NTAN1: variants seen among roughly 807,000 people sequenced by gnomAD.
NTAN1 encodes the protein protein N-terminal asparagine amidohydrolase.
NTAN1 carries 32 observed loss-of-function variants against 41.9 expected under a neutral mutation model. The observed-to-expected ratio is 0.76, with a 90% CI of 0.58 to 1.03. The LOEUF (loss-of-function observed/expected upper bound fraction) is 1.03, where lower values mean the gene tolerates loss of function less well. Among genes scored for constraint, NTAN1 ranks in the 50% least tolerant of loss-of-function variants. The pLI, the probability that NTAN1 is intolerant of heterozygous loss-of-function variation, is 0.00. For synonymous variants in NTAN1, 140 were observed against 139.5 expected, an observed-to-expected ratio of 1.00 and a Z score of -0.03; for missense variants, 377 against 377.5, an observed-to-expected ratio of 1.00 and a Z score of 0.01.
chr16:15,054,828 C>T (rs562537490), intron 1 of NTAN1, among the ~76,000 whole-genome samples: 1 of 152,224 alleles, frequency 6.6e-6, no homozygotes, highest in African/African-American at 2.4e-5. Context: ...GGCGACAGAC[C>T]AATAGAGAAC....
intron 1 of NTAN1, among the ~76,000 whole-genome samples, chr16:15,048,933 A>G (rs1383101407): frequency 6.9e-6 from 1 of 144,130 alleles, no homozygotes; most frequent in African/African-American, 2.6e-5. Flanking sequence ...TGATTTTTAT[A>G]CTTTTTGTAG....
intron 1 of NTAN1, among the ~76,000 whole-genome samples, chr16:15,050,368 G>C (rs551858515): frequency 1.3e-5 from 2 of 152,328 alleles, no homozygotes; most frequent in African/African-American, 4.8e-5. Flanking sequence ...CAGTTTTGCA[G>C]TCTTAGTCTT....
At chr16:15,052,585 A>G (rs2044338872) in intron 1 of NTAN1, among the ~76,000 whole-genome samples, 1 of 152,244 alleles carries the variant, frequency 6.6e-6, no homozygotes, top group African/African-American at 2.4e-5. Flanking sequence ...CTGTAATCCC[A>G]GCACTTTGGA....
chr16:15,046,662 C>A (rs1486880512), intron 4 of NTAN1, among the ~76,000 whole-genome samples: 2 of 140,762 alleles, frequency 1.4e-5, no homozygotes, highest in African/African-American at 5.2e-5. Context: ...GAGTTTAAGA[C>A]CGGCCTGGGC....
At chr16:15,045,031 G>C (rs2043987613) in intron 4 of NTAN1, 1 of 152,448 alleles carries the variant, frequency 6.6e-6, no homozygotes, top group Non-Finnish European at 1.5e-5. Context: ...GGCTAAGGCA[G>C]GAGAACTGCT....
chr16:15,050,895 A>T (rs1166501838), intron 1 of NTAN1, among the ~76,000 whole-genome samples: 2 of 151,432 alleles, frequency 1.3e-5, no homozygotes, highest in African/African-American at 4.8e-5. Context: ...AACAAACTAA[A>T]GATTAAATGA....
At position 15,055,232 on chromosome 16, in the gene NTAN1, G is replaced by C. The variant is rs551056037; in HGVS notation, c.81+659C>G. Among the ~76,000 whole-genome samples, 370 of 152,260 alleles carry C rather than the reference G, an allele frequency of 2.4e-3. 1 individual carries two copies. Among genetic ancestry groups the C allele is most frequent in the Non-Finnish European group, 3.7e-3 (255 of 68,022 alleles). On this transcript the variant is annotated intron_variant, in intron 1 of 9. Transcript: ENST00000287706. ...CCCCTTGCCAACAGTCCCTGCATAA[G>C]CGTGGACAAGAGTTCAGAGATCTAT...
chr16:15,042,343 G>A (rs1329050712), intron 5 of NTAN1, among the ~76,000 whole-genome samples: 1 of 151,868 alleles, frequency 6.6e-6, no homozygotes, highest in African/African-American at 2.4e-5. Context: ...GCGCCACCAT[G>A]CCTGGCTAAT....
At chr16:15,048,170 G>T in intron 1 of NTAN1, 71 bp from the exon 2 acceptor site, 1 of 1,078,134 alleles carries the variant, frequency 9.3e-7, no homozygotes, top group Non-Finnish European at 1.4e-6. Flanking sequence ...GATGTGGAGA[G>T]AGCCAAAGTG....
At chr16:15,055,404 G>A (rs1297410880) in intron 1 of NTAN1, among the ~76,000 whole-genome samples, 1 of 152,196 alleles carries the variant, frequency 6.6e-6, no homozygotes, top group East Asian at 1.9e-4. Context: ...AGAGGAGGAA[G>A]GACTGGGGGT....
chr16:15,041,823 C>T (rs2043828386), intron 5 of NTAN1, 147 bp from the exon 6 acceptor site: 4 of 691,436 alleles, frequency 5.8e-6, no homozygotes, highest in South Asian at 1.4e-5. Flanking sequence ...ACAGCCTGGC[C>T]TATGGGGCCA....
At chr16:15,046,162 C>T (rs1175929823) in intron 4 of NTAN1, 2 of 152,346 alleles carry the variant, frequency 1.3e-5, no homozygotes, top group Non-Finnish European at 1.5e-5. Flanking sequence ...CTGCATGGGT[C>T]ACGTGTCCAT....
chr16:15,044,237 C>G (rs1443291826), intron 5 of NTAN1, 97 bp downstream of exon 5: 1 of 790,732 alleles, frequency 1.3e-6, no homozygotes, highest in African/African-American at 1.7e-5. Flanking sequence ...TGGGTGTGCC[C>G]TTCTTGGGTT....
At chr16:15,042,693 G>GTA (rs909434418) in intron 5 of NTAN1, among the ~76,000 whole-genome samples, 9 of 150,880 alleles carry the variant, frequency 6.0e-5, no homozygotes, top group Admixed American at 5.3e-4. Context: ...TTTCCACAAG[G>GTA]GGAATTACTG....
In NTAN1 at chr16:15,056,036, G is replaced by T. The variant is rs1490612732; in HGVS notation, c.-65C>A. On this transcript the variant is annotated 5_prime_UTR_variant, in exon 1 of 10. Transcript: ENST00000287706. ...GCCCCCCGCTTTGCAGCCCCGGGCC[G>T]CCCGCCGCCCCCGCCCCTCGGGCCG... 4.0e-6 allele frequency: 3 copies of T among 741,170 alleles called. No individual in the cohort carries two copies. In the South Asian group the frequency reaches 1.8e-4, roughly 46 times the overall value. The allele number at this position is 741,170 out of a possible 1,614,324, so 45.9% of individuals were successfully genotyped here. A position where few individuals can be genotyped will look rare whatever the true frequency, so the allele number is the denominator to read the frequency against.
intron 6 of NTAN1, 140 bp downstream of exon 6, chr16:15,041,483 T>G: frequency 6.7e-6 from 5 of 744,914 alleles, no homozygotes; most frequent in Non-Finnish European, 1.0e-5. Context: ...GGGAAGGCCA[T>G]CCCACCACAG....
intron 8 of NTAN1, 72 bp downstream of exon 8, chr16:15,039,897 C>CA: frequency 1.2e-6 from 1 of 863,262 alleles, no homozygotes; most frequent in Non-Finnish European, 1.9e-6. Flanking sequence ...TCTAAGATCC[C>CA]AAAAACTTAA....
intron 4 of NTAN1, among the ~76,000 whole-genome samples, chr16:15,046,526 G>C (rs1353536968): frequency 6.6e-6 from 1 of 152,086 alleles, no homozygotes; most frequent in Non-Finnish European, 1.5e-5. Context: ...TGCAGTGAGA[G>C]AGGATGAGGT....
chr16:15,039,506 C>A (rs564049230), intron 8 of NTAN1, among the ~76,000 whole-genome samples: 2 of 152,102 alleles, frequency 1.3e-5, no homozygotes, highest in East Asian at 3.8e-4. Flanking sequence ...TAATTAAGCA[C>A]CCTAAGGGAA....
Sources: gnomAD v4.1 joint callset for allele counts (sites outside exome capture counted in the v4.1 genomes callset) on GRCh38, gnomAD v4.1.1 for gene constraint, MANE v1.5 for transcripts, NCBI Gene and HGNC (gene_info 2026-07-23, HGNC 2026-07-21) for gene names.